The following SLC35F4 variants were observed in gnomAD, a reference collection of about 807,000 sequenced individuals.
The protein encoded by SLC35F4 is chromosome 14 open reading frame 36.
In SLC35F4, 24 loss-of-function variants were observed where a neutral mutation model predicts 44.2. The ratio of observed to expected loss-of-function variants is 0.54; its 90% CI spans 0.39 to 0.76. SLC35F4 has a LOEUF of 0.76. Ranked by LOEUF, SLC35F4 falls within the 30% of genes least tolerant of loss-of-function variation. The pLI, the probability that SLC35F4 is intolerant of heterozygous loss-of-function variation, is 0.00. For missense variants in SLC35F4, 562 were observed against 586.1 expected, an observed-to-expected ratio of 0.96 and a Z score of 0.42; for synonymous variants, 238 against 223.6, an observed-to-expected ratio of 1.06 and a Z score of -0.57.
Position 57,678,753 on chromosome 14 carries a change from C to T in SLC35F4, c.104-84629G>A, listed in dbSNP as rs190312561. ...AGTCTCTGATAAAACAGACTTTAAA[C>T]CAACAAAGATCAAAAGAATCAAAGA... On this transcript the variant is annotated intron_variant, in intron 1 of 7. Coordinates refer to ENST00000556826, the MANE Select transcript of SLC35F4 (RefSeq NM_001306087.2). Among the ~76,000 whole-genome samples the T allele has an allele frequency of 2.4e-4, 36 of 150,832 alleles. No individual in the cohort carries two copies. The East Asian group carries it at 6.2e-3, about 26-fold the overall frequency.
chr14:57,596,914 A>G, intron 1 of SLC35F4: 2 of 1,356,668 alleles, frequency 1.5e-6, no homozygotes, highest in Non-Finnish European at 2.0e-6. Context: ...CATTTTAATC[A>G]CTGTCTTAAA....
chr14:57,976,048 C>T (rs1408625821), downstream of SLC35F4, among the ~76,000 whole-genome samples: 2 of 152,164 alleles, frequency 1.3e-5, no homozygotes, highest in Non-Finnish European at 2.9e-5. Context: ...TAGAAACCTG[C>T]ATGAGTTCAA....
chr14:57,910,691 A>C (rs1390286526), intron 1 of SLC35F4, among the ~76,000 whole-genome samples: 4 of 152,072 alleles, frequency 2.6e-5, no homozygotes, highest in Admixed American at 1.3e-4. Flanking sequence ...ATAGCTTTGT[A>C]GTAAGTCTTG....
intron 1 of SLC35F4, among the ~76,000 whole-genome samples, chr14:57,681,782 G>T (rs1251249067): frequency 6.6e-6 from 1 of 151,948 alleles, no homozygotes; most frequent in African/African-American, 2.4e-5. Context: ...AATCTACAAA[G>T]GACTTAAACA....
chr14:57,578,323 C>CTT (rs2068952267), intron 4 of SLC35F4, among the ~76,000 whole-genome samples: 1 of 33,198 alleles, frequency 3.0e-5, no homozygotes, highest in African/African-American at 9.6e-5. Context: ...ATCCCTTTAA[C>CTT]TGTTTTTTTT....
intron 1 of SLC35F4, among the ~76,000 whole-genome samples, chr14:57,816,476 CT>C (rs1446524246): frequency 4.1e-3 from 1 of 244 alleles, no homozygotes; most frequent in South Asian, 0.17. Flanking sequence ...TCATCAACCC[CT>C]GAAAAAAAAC....
At chr14:57,853,094 C>A (rs1217149707) in intron 1 of SLC35F4, among the ~76,000 whole-genome samples, 1 of 152,152 alleles carries the variant, frequency 6.6e-6, no homozygotes, top group African/African-American at 2.4e-5. Flanking sequence ...TGTTGTATTG[C>A]CCTATCTGAC....
At chr14:57,567,562 G>A (rs1341424396) in intron 6 of SLC35F4, among the ~76,000 whole-genome samples, 3 of 152,230 alleles carry the variant, frequency 2.0e-5, no homozygotes, top group African/African-American at 7.2e-5. Flanking sequence ...ACTTTTACAA[G>A]ACTTGGGCTC....
chr14:57,667,574 A>G (rs1430905229), intron 1 of SLC35F4, among the ~76,000 whole-genome samples: 2 of 148,162 alleles, frequency 1.3e-5, no homozygotes, highest in Admixed American at 6.9e-5. Context: ...TATGAGTGAG[A>G]ACATGCAGTG....
intron 1 of SLC35F4, among the ~76,000 whole-genome samples, chr14:57,914,992 T>C (rs1470068949): frequency 6.6e-6 from 1 of 152,126 alleles, no homozygotes; most frequent in Non-Finnish European, 1.5e-5. Context: ...GTAGCATCCT[T>C]TGAAACCCAA....
chr14:57,772,037 C>G (rs1203972159), intron 1 of SLC35F4, among the ~76,000 whole-genome samples: 1 of 152,148 alleles, frequency 6.6e-6, no homozygotes, highest in East Asian at 1.9e-4. Context: ...TTACTTATCC[C>G]TGTGTCTTCA....
intron 1 of SLC35F4, among the ~76,000 whole-genome samples, chr14:57,720,655 C>T (rs914679228): frequency 6.6e-6 from 1 of 151,970 alleles, no homozygotes; most frequent in Non-Finnish European, 1.5e-5. Flanking sequence ...AAGTATTGAT[C>T]TTGGGTGTGT....
intron 1 of SLC35F4, among the ~76,000 whole-genome samples, chr14:57,736,731 G>A (rs958536017): frequency 6.6e-6 from 1 of 152,158 alleles, no homozygotes; most frequent in Non-Finnish European, 1.5e-5. Context: ...TATTGCAATT[G>A]CTCACAGGCT....
chr14:57,622,849 T>A (rs111506234), intron 1 of SLC35F4, among the ~76,000 whole-genome samples: 14,549 of 151,314 alleles, frequency 0.096, 1,337 homozygotes, highest in African/African-American at 0.24. Flanking sequence ...ATAAAAAAAT[T>A]AAAAAAACCC....
intron 1 of SLC35F4, among the ~76,000 whole-genome samples, chr14:57,921,540 TG>T (rs1889444291): frequency 6.6e-6 from 1 of 152,220 alleles, no homozygotes. Context: ...ACAAATTGGT[TG>T]GCTTAAACAA....
At chr14:57,704,019 A>T (rs1464302732) in intron 1 of SLC35F4, among the ~76,000 whole-genome samples, 1 of 152,158 alleles carries the variant, frequency 6.6e-6, no homozygotes, top group East Asian at 1.9e-4. Context: ...CAGATCCAAA[A>T]TCTAGAGCCT....
In SLC35F4 at chr14:57,672,001, T is replaced by C. The variant is rs138837485; in HGVS notation, c.104-77877A>G. ...AATAAATCTCTTAAACTTGATTCCT[T>C]ACTTCTGGATTTTTCTAGGAAAACC... is the stretch of plus-strand genomic sequence containing the variant. On this transcript the variant is annotated intron_variant, in intron 1 of 7. Coordinates refer to ENST00000556826, the MANE Select transcript of SLC35F4 (RefSeq NM_001306087.2). Among the ~76,000 whole-genome samples the C allele has an allele frequency of 3.7e-4, 56 of 152,224 alleles. No individual in the cohort carries two copies. In the East Asian group the frequency reaches 6.8e-3, roughly 18 times the overall value.
At chr14:57,807,157 A>C (rs1171705745) in intron 1 of SLC35F4, among the ~76,000 whole-genome samples, 2 of 152,222 alleles carry the variant, frequency 1.3e-5, no homozygotes, top group Non-Finnish European at 2.9e-5. Flanking sequence ...CATTTTGAGG[A>C]AGAAGAGTGA....
intron 1 of SLC35F4, among the ~76,000 whole-genome samples, chr14:57,918,689 T>C (rs1169731154): frequency 3.9e-5 from 6 of 152,132 alleles, no homozygotes; most frequent in Non-Finnish European, 8.8e-5. Flanking sequence ...AGGAAGTGAA[T>C]TGGGACCTTG....
Sources: gnomAD v4.1 joint callset for allele counts (sites outside exome capture counted in the v4.1 genomes callset) on GRCh38, gnomAD v4.1.1 for gene constraint, MANE v1.5 for transcripts, NCBI Gene and HGNC (gene_info 2026-07-23, HGNC 2026-07-21) for gene names.